Variants in RTL4 observed in about 807,000 individuals in gnomAD.
RTL4 encodes the protein retrotransposon Gag-like protein 4.
In RTL4, 4 loss-of-function variants were observed where a neutral mutation model predicts 5.3. That is an observed-to-expected ratio of 0.75 (90% confidence interval 0.37 to 1.72). The LOEUF (loss-of-function observed/expected upper bound fraction) is 1.72. Among genes scored for constraint, RTL4 ranks in the 40% most tolerant of loss-of-function variants. The pLI, the probability that RTL4 is intolerant of heterozygous loss-of-function variation, is 0.04. For missense variants in RTL4, 260 were observed against 227.1 expected (o/e 1.14, Z -0.93); for synonymous variants, 98 against 87.3 (o/e 1.12, Z -0.68).
the RTL4 span, among the ~76,000 whole-genome samples, chrX:112,103,580 GA>G: frequency 5.4e-4 from 54 of 100,839 alleles, no homozygotes; most frequent in African/African-American, 1.7e-3. Context: ...GGAACTGAAC[GA>G]AAAAAAAAAG....
chrX:112,437,802 A>ATGGTGGTGGTGGTGGTGGTGGTGG, the RTL4 span, among the ~76,000 whole-genome samples: 1 of 76,994 alleles, frequency 1.3e-5, no homozygotes, highest in Non-Finnish European at 2.4e-5. Context: ...GGTGGTGGTG[A>ATGGTGGTGGTGGTGGTGGTGGTGG]TGGTGGTGGT....
the RTL4 span, among the ~76,000 whole-genome samples, chrX:112,292,983 C>G: frequency 8.9e-6 from 1 of 111,986 alleles, no homozygotes; most frequent in Non-Finnish European, 1.9e-5. Context: ...TTTGCTCTTC[C>G]TACTGTGCTT....
chrX:112,279,297 G>A, the RTL4 span, among the ~76,000 whole-genome samples: 1 of 111,557 alleles, frequency 9.0e-6, no homozygotes, highest in Non-Finnish European at 1.9e-5. Context: ...TATACTATTA[G>A]GTACAAATAG....
At chrX:112,182,313 C>CAAAACTGG in the RTL4 span, among the ~76,000 whole-genome samples, 4 of 111,700 alleles carry the variant, frequency 3.6e-5, no homozygotes, top group African/African-American at 1.3e-4. Context: ...AGCAAGGGAA[C>CAAAACTGG]AAAACTGGAC....
At chrX:112,143,722 A>G in the RTL4 span, among the ~76,000 whole-genome samples, 1 of 111,902 alleles carries the variant, frequency 8.9e-6, no homozygotes, top group East Asian at 2.8e-4. Context: ...TAAAAGCCTT[A>G]TTAATGTAAA....
chrX:112,177,603 T>A, the RTL4 span, among the ~76,000 whole-genome samples: 1 of 110,089 alleles, frequency 9.1e-6, no homozygotes, highest in Non-Finnish European at 1.9e-5. Context: ...GGACGGGTAG[T>A]TTGCAAATAT....
chrX:112,222,492 C>T, the RTL4 span, among the ~76,000 whole-genome samples: 2 of 110,913 alleles, frequency 1.8e-5, no homozygotes, highest in South Asian at 7.8e-4. Context: ...GCTGAGGAGG[C>T]TGAGGCAGGA....
At chrX:112,237,738 G>A in the RTL4 span, among the ~76,000 whole-genome samples, 1 of 111,513 alleles carries the variant, frequency 9.0e-6, no homozygotes, top group Non-Finnish European at 1.9e-5. Flanking sequence ...TTTTATTACC[G>A]AGCGTTACCT....
chrX:112,263,201 A>T, the RTL4 span, among the ~76,000 whole-genome samples: 331 of 59,098 alleles, frequency 5.6e-3, 1 homozygote, highest in African/African-American at 0.038. Flanking sequence ...CTTAAAGTAT[A>T]AAAAAAAAAA....
the RTL4 span, among the ~76,000 whole-genome samples, chrX:112,296,860 A>AC: frequency 1.9e-5 from 2 of 102,791 alleles, no homozygotes; most frequent in Non-Finnish European, 4.0e-5. Context: ...CTTGTGATCC[A>AC]CCCCCCTCGG....
the RTL4 span, among the ~76,000 whole-genome samples, chrX:112,236,431 ATAGATCTATATCT>A: frequency 1.3e-5 from 1 of 77,231 alleles, no homozygotes; most frequent in South Asian, 6.6e-4. Flanking sequence ...ATATATAGAT[ATAGATCTATATCT>A]ATATATAGAT....
At chrX:112,261,498 C>T in the RTL4 span, among the ~76,000 whole-genome samples, 15 of 111,266 alleles carry the variant, frequency 1.3e-4, no homozygotes, top group Non-Finnish European at 2.5e-4. Flanking sequence ...ATGTGAAGGA[C>T]CTCTTCAAGG....
At chrX:112,427,151 G>A in the RTL4 span, among the ~76,000 whole-genome samples, 2 of 110,941 alleles carry the variant, frequency 1.8e-5, no homozygotes, top group Non-Finnish European at 3.8e-5. Flanking sequence ...GAAAACTGAG[G>A]CCCAATATTT....
At chrX:112,454,278 T>A (rs184835967), upstream of RTL4, among the ~76,000 whole-genome samples, 30 of 111,766 alleles carry the variant, frequency 2.7e-4, 1 homozygote, top group Admixed American at 7.6e-4. Context: ...AGTTTACAAA[T>A]TTGTGTTGGG....
At chrX:112,108,414 A>G in the RTL4 span, among the ~76,000 whole-genome samples, 4 of 111,569 alleles carry the variant, frequency 3.6e-5, no homozygotes, top group South Asian at 1.5e-3. Context: ...AGAGGTAGAT[A>G]CCTGCTCCAG....
At chrX:112,149,263 G>A in the RTL4 span, among the ~76,000 whole-genome samples, 1 of 111,432 alleles carries the variant, frequency 9.0e-6, no homozygotes, top group African/African-American at 3.3e-5. Flanking sequence ...ACAGCTGACA[G>A]TCTTTTTGAG....
chrX:112,194,648 A>G, the RTL4 span, among the ~76,000 whole-genome samples: 1 of 112,083 alleles, frequency 8.9e-6, no homozygotes, highest in Non-Finnish European at 1.9e-5. Context: ...CTGAAAATGT[A>G]CTAGAGCCAA....
exon 1 of RTL4, chrX:112,455,756 C>T (rs1402041015): frequency 2.4e-6 from 2 of 845,061 alleles, no homozygotes; most frequent in East Asian, 3.4e-5. Context: ...GGAACTGTGA[C>T]ACCACTTTAT....
the RTL4 span, among the ~76,000 whole-genome samples, chrX:112,175,023 G>A: frequency 1.1e-5 from 1 of 87,795 alleles, no homozygotes; most frequent in African/African-American, 4.0e-5. Flanking sequence ...CTCCCATTTT[G>A]TAGGTTGCCT....
Sources: gnomAD v4.1 joint callset for allele counts (sites outside exome capture counted in the v4.1 genomes callset) on GRCh38, gnomAD v4.1.1 for gene constraint, MANE v1.5 for transcripts, NCBI Gene and HGNC (gene_info 2026-07-23, HGNC 2026-07-21) for gene names.